NXPH1: variants seen among roughly 807,000 people sequenced by gnomAD.
NXPH1 encodes neurexophilin-1.
A neutral mutation model predicts 23.7 loss-of-function variants in NXPH1; 5 were observed. That is an observed-to-expected ratio of 0.21 (90% CI 0.11 to 0.44). The LOEUF (loss-of-function observed/expected upper bound fraction) is 0.44, where lower values mean the gene tolerates loss of function less well. Ranked by LOEUF, NXPH1 falls within the 20% of genes least tolerant of loss-of-function variation. The pLI is 0.99. For synonymous variants in NXPH1, 144 were observed against 122.2 expected (o/e 1.18, Z -1.18); for missense variants, 324 against 321.6 (o/e 1.01, Z -0.06).
In NXPH1 at chr7:8,752,079, A is replaced by C. The variant is rs1011862760; in HGVS notation, c.*310A>C. ...TGCGTCTATCATGATTCCTGTTGAG[A>C]GGGCTTTCATTGTCTGACTCATAAT... On this transcript the variant is annotated 3_prime_UTR_variant, in exon 3 of 3. Coordinates refer to ENST00000405863, the MANE Select transcript of NXPH1 (RefSeq NM_152745.3). 4 of 260,872 alleles carry C rather than the reference A, an allele frequency of 1.5e-5. No homozygotes were observed. The highest frequency in any genetic ancestry group is 3.0e-5 in the Non-Finnish European group (4 of 134,560). The allele number at this position is 260,872 out of a possible 1,614,324, so 16.2% of individuals were successfully genotyped here.
chr7:8,708,922 C>T (rs1779744750), intron 2 of NXPH1, among the ~76,000 whole-genome samples: 1 of 152,134 alleles, frequency 6.6e-6, no homozygotes, highest in South Asian at 2.1e-4. Context: ...TGTAGATGAA[C>T]TGAGTCAGAA....
At chr7:8,712,050 T>C (rs1276143221) in intron 2 of NXPH1, among the ~76,000 whole-genome samples, 1 of 152,222 alleles carries the variant, frequency 6.6e-6, no homozygotes, top group East Asian at 1.9e-4. Context: ...AAGCTCAAGG[T>C]TGTTCTTTGC....
intron 2 of NXPH1, among the ~76,000 whole-genome samples, chr7:8,644,620 T>A (rs75469329): frequency 0.048 from 7,368 of 152,264 alleles, 387 homozygotes; most frequent in East Asian, 0.17. Flanking sequence ...CATTGTGCTC[T>A]GCCTGCTGTC....
intron 2 of NXPH1, among the ~76,000 whole-genome samples, chr7:8,621,373 A>G (rs1819866087): frequency 6.6e-6 from 1 of 152,090 alleles, no homozygotes; most frequent in African/African-American, 2.4e-5. Flanking sequence ...GCAGCAGAGG[A>G]GTTAGGGTGA....
At chr7:8,501,233 T>C (rs1817426505) in intron 2 of NXPH1, among the ~76,000 whole-genome samples, 1 of 152,098 alleles carries the variant, frequency 6.6e-6, no homozygotes, top group African/African-American at 2.4e-5. Flanking sequence ...CACCAATGAA[T>C]TGAAATTAGG....
chr7:8,660,176 G>A lies in NXPH1; in HGVS notation c.55-90832G>A, dbSNP rs181774688. On this transcript the variant is annotated intron_variant, in intron 2 of 2. Coordinates refer to ENST00000405863, the MANE Select transcript of NXPH1 (RefSeq NM_152745.3). ...GAAAATATTTTATATAAATTATTTC[G>A]TTTTAATTCTTAAAATTACACTGCC... Among the ~76,000 whole-genome samples, 421 of 152,176 alleles carry A rather than the reference G, an allele frequency of 2.8e-3. 3 individuals are homozygous for A. The highest frequency in any genetic ancestry group is 9.5e-3 in the African/African-American group (396 of 41,532).
intron 2 of NXPH1, among the ~76,000 whole-genome samples, chr7:8,726,217 C>T (rs1041220121): frequency 2.7e-5 from 4 of 150,854 alleles, no homozygotes; most frequent in African/African-American, 9.7e-5. Context: ...AAATGTCTTA[C>T]ATATACTATT....
intron 2 of NXPH1, among the ~76,000 whole-genome samples, chr7:8,629,516 G>C (rs1238163639): frequency 6.6e-6 from 1 of 152,084 alleles, no homozygotes; most frequent in Non-Finnish European, 1.5e-5. Flanking sequence ...GGTTTTCATA[G>C]CTAGTTAAAA....
At chr7:8,747,203 G>A (rs1372413586) in intron 2 of NXPH1, among the ~76,000 whole-genome samples, 1 of 152,170 alleles carries the variant, frequency 6.6e-6, no homozygotes, top group Non-Finnish European at 1.5e-5. Flanking sequence ...AGCTGTTAAA[G>A]ATCAGAACCT....
intron 2 of NXPH1, among the ~76,000 whole-genome samples, chr7:8,665,058 A>G (rs1304963368): frequency 7.3e-6 from 1 of 136,066 alleles, no homozygotes; most frequent in Non-Finnish European, 1.6e-5. Flanking sequence ...CACTATTGTT[A>G]CCTGTGCATC....
At chr7:8,708,445 C>T (rs1779736848) in intron 2 of NXPH1, among the ~76,000 whole-genome samples, 1 of 152,158 alleles carries the variant, frequency 6.6e-6, no homozygotes, top group African/African-American at 2.4e-5. Flanking sequence ...ACTGCAACCT[C>T]ATCCTCCTGG....
intron 2 of NXPH1, among the ~76,000 whole-genome samples, chr7:8,614,907 A>AT (rs1468089880): frequency 6.6e-6 from 1 of 152,072 alleles, no homozygotes; most frequent in Non-Finnish European, 1.5e-5. Context: ...ACTAAATTAT[A>AT]TTCTTTGTTA....
chr7:8,715,497 G>A (rs1779862732), intron 2 of NXPH1, among the ~76,000 whole-genome samples: 2 of 152,122 alleles, frequency 1.3e-5, no homozygotes, highest in South Asian at 4.2e-4. Flanking sequence ...GCTTCTATTC[G>A]GCCATCTTGC....
At chr7:8,540,590 C>T (rs1368879926) in intron 2 of NXPH1, among the ~76,000 whole-genome samples, 1 of 151,532 alleles carries the variant, frequency 6.6e-6, no homozygotes, top group Non-Finnish European at 1.5e-5. Flanking sequence ...TTAGGATTCA[C>T]ATACAAAAAA....
At chr7:8,558,006 A>G (rs1467633414) in intron 2 of NXPH1, among the ~76,000 whole-genome samples, 1 of 151,728 alleles carries the variant, frequency 6.6e-6, no homozygotes, top group Admixed American at 6.6e-5. Flanking sequence ...CTATCATAAA[A>G]AAAAGGTTCA....
intron 2 of NXPH1, among the ~76,000 whole-genome samples, chr7:8,481,135 C>T (rs1395522644): frequency 6.6e-6 from 1 of 152,084 alleles, no homozygotes; most frequent in Non-Finnish European, 1.5e-5. Context: ...AAAGGTCTCC[C>T]TTTTCAGTCA....
At chr7:8,733,509 C>T (rs1382820514) in intron 2 of NXPH1, among the ~76,000 whole-genome samples, 3 of 152,144 alleles carry the variant, frequency 2.0e-5, no homozygotes, top group African/African-American at 4.8e-5. Flanking sequence ...ACTGTAAAAG[C>T]GTTTCTATTT....
chr7:8,647,682 T>A (rs764527564), intron 2 of NXPH1, among the ~76,000 whole-genome samples: 6 of 152,022 alleles, frequency 3.9e-5, no homozygotes, highest in Non-Finnish European at 8.8e-5. Flanking sequence ...TCAATTCCAA[T>A]ATATTATATC....
chr7:8,451,927 T>A (rs571446784), intron 2 of NXPH1, among the ~76,000 whole-genome samples: 1 of 152,334 alleles, frequency 6.6e-6, no homozygotes, highest in South Asian at 2.1e-4. Context: ...TGCATAGGGT[T>A]CACCATGGTA....
Sources: gnomAD v4.1 joint callset for allele counts (sites outside exome capture counted in the v4.1 genomes callset) on GRCh38, gnomAD v4.1.1 for gene constraint, MANE v1.5 for transcripts, NCBI Gene and HGNC (gene_info 2026-07-23, HGNC 2026-07-21) for gene names.